The following HEXA variants were observed in gnomAD, a reference collection of about 807,000 sequenced individuals.
The protein encoded by HEXA is hexosaminidase subunit alpha, also known as beta-hexosaminidase subunit alpha.
In HEXA, 54 loss-of-function variants were observed where a neutral mutation model predicts 73.3. That is an observed-to-expected ratio of 0.74 (90% CI 0.59 to 0.92). The LOEUF (loss-of-function observed/expected upper bound fraction) is 0.92. HEXA is among the 40% of genes least tolerant of loss of function. The pLI, the probability that HEXA is intolerant of heterozygous loss-of-function variation, is 0.00. For missense variants in HEXA, 649 were observed against 653.0 expected (o/e 0.99, Z 0.07); for synonymous variants, 230 against 246.9 (o/e 0.93, Z 0.64).
chr15:72,344,936 T>A (rs2088590285), intron 13 of HEXA, among the ~76,000 whole-genome samples: 1 of 152,252 alleles, frequency 6.6e-6, no homozygotes, highest in African/African-American at 2.4e-5. Flanking sequence ...GGTCCTGAAC[T>A]CTGTGCTTCA....
chr15:72,363,841 TC>T (rs2088883305), intron 1 of HEXA, among the ~76,000 whole-genome samples: 1 of 151,822 alleles, frequency 6.6e-6, no homozygotes. Context: ...CCCAACCCTA[TC>T]CCCACTGGAA....
chr15:72,354,045 G>A (rs2088738993), intron 3 of HEXA: 2 of 472,478 alleles, frequency 4.2e-6, no homozygotes. Context: ...AGAATATTGA[G>A]AAGAGAGGCC....
intron 1 of HEXA, chr15:72,362,532 A>G (rs2088864690): frequency 2.2e-6 from 1 of 453,892 alleles, no homozygotes; most frequent in South Asian, 1.6e-5. Context: ...TGTGATAATC[A>G]GGCATAAATA....
chr15:72,352,192 G>A (rs1189245980), intron 5 of HEXA, among the ~76,000 whole-genome samples: 4 of 152,068 alleles, frequency 2.6e-5, no homozygotes, highest in Admixed American at 6.6e-5. Flanking sequence ...TCCTGAGCTC[G>A]GGCAATCCAC....
intron 4 of HEXA, among the ~76,000 whole-genome samples, 183 bp from the exon 5 acceptor site, chr15:72,353,361 C>A (rs905274037): frequency 8.5e-5 from 13 of 152,140 alleles, no homozygotes; most frequent in African/African-American, 3.1e-4. Flanking sequence ...TCCCAGAGAG[C>A]AATTGTCCAA....
At chr15:72,344,261 C>T (rs2088583054) in intron 13 of HEXA, 121 bp from the exon 14 acceptor site, 7 of 718,928 alleles carry the variant, frequency 9.7e-6, no homozygotes, top group Admixed American at 8.1e-5. Flanking sequence ...TGTCACTGTA[C>T]ACCAAATGCA....
intron 4 of HEXA, 29 bp from the exon 5 acceptor site, chr15:72,353,207 G>T: frequency 7.4e-7 from 1 of 1,360,412 alleles, no homozygotes; most frequent in Non-Finnish European, 1.0e-6. Context: ...GAACATGTCA[G>T]TTTCAAAGGA....
At chr15:72,345,005 A>C (rs548992703) in intron 13 of HEXA, among the ~76,000 whole-genome samples, 1 of 152,344 alleles carries the variant, frequency 6.6e-6, no homozygotes, top group South Asian at 2.1e-4. Flanking sequence ...AAATGAGACA[A>C]TATTTGTAAC....
rs12592727 is a variant in HEXA, at chr15:72,347,420, T to C, written c.1146+266A>G. Among the ~76,000 whole-genome samples, 19,168 of 151,508 alleles carry C rather than the reference T, an allele frequency of 0.13. 1,800 individuals are homozygous for C. The highest frequency in any genetic ancestry group is 0.25 in the African/African-American group (10,518 of 41,366). ...CTGATTTTTGTATTTTTTGTAGAGA[T>C]GAGGGTTTTGCTATGTTGGCCAGGC... On this transcript the variant is annotated intron_variant, in intron 10 of 13. Transcript: ENST00000268097.
intron 7 of HEXA, among the ~76,000 whole-genome samples, chr15:72,349,758 GGTT>G (rs1045456730): frequency 7.3e-5 from 11 of 151,634 alleles, no homozygotes; most frequent in African/African-American, 2.7e-4. Flanking sequence ...GTTTTTTTTT[GGTT>G]GTTGTTGTTT....
intron 1 of HEXA, among the ~76,000 whole-genome samples, chr15:72,365,138 G>A (rs967943062): frequency 1.6e-4 from 24 of 152,314 alleles, no homozygotes; most frequent in South Asian, 8.3e-4. Flanking sequence ...CGCCCAGGCT[G>A]GAGTGCAATG....
Position 72,356,574 on chromosome 15 carries a change from T to G in HEXA, c.297A>C (p.Val99=), listed in dbSNP as rs766640260. The change falls in exon 2 of 14, where the codon GTA becomes GTC. Residue 99 remains valine (V), a synonymous_variant. Transcript: ENST00000268097. ...TLEKNVLVVS[V]VTPGCNQLPT... Reference sequence around the variant, plus strand: ...GAAGCTGGTTACATCCAGGTGTGACTACAGAGACAACCAACACATTCTTCT... The same window carrying G: ...GAAGCTGGTTACATCCAGGTGTGACGACAGAGACAACCAACACATTCTTCT... 6 of 1,614,052 alleles carry G rather than the reference T, an allele frequency of 3.7e-6. No homozygotes were observed. In the East Asian group the frequency reaches 1.1e-4, roughly 30 times the overall value.
chr15:72,349,249 T>C lies in HEXA; in HGVS notation c.816A>G (p.Gly272=). The change falls in exon 8 of 14, where the codon GGA becomes GGG. Residue 272 remains glycine, a synonymous_variant. Coordinates refer to ENST00000268097, the MANE Select transcript of HEXA (RefSeq NM_000520.6). ...HTLSWGPGIP[G]LLTPCYSGSE... ...ACCCAGAGTAGCAAGGAGTCAGTAA[T>C]CCAGGGATACCTAAGCCAAGAGAAA... The C allele has an allele frequency of 6.2e-7, 1 of 1,613,874 alleles. No individual in the cohort carries two copies. Among genetic ancestry groups the C allele is most frequent in the Non-Finnish European group, 8.5e-7 (1 of 1,179,898 alleles).
intron 4 of HEXA, 77 bp downstream of exon 4, chr15:72,353,614 G>T: frequency 8.4e-7 from 1 of 1,190,352 alleles, no homozygotes; most frequent in African/African-American, 1.5e-5. Context: ...GGCAAAACAA[G>T]ATTTTTCTAG....
intron 1 of HEXA, chr15:72,357,081 C>T (rs894942308): frequency 1.8e-5 from 5 of 271,716 alleles, no homozygotes; most frequent in African/African-American, 4.4e-5. Flanking sequence ...AGTAAACACA[C>T]TGTCTAGTTC....
In HEXA at chr15:72,375,904, G is replaced by C. The variant is rs143554538; in HGVS notation, c.69C>G (p.Leu23=). Residue 23 remains leucine, a synonymous_variant, in exon 1 of 14, where the codon CTC becomes CTG. Transcript: ENST00000268097. ...TTTGGAAGTTCTGAGGCCAGGGCCA[G>C]AGGGCCGTCGCCCGTCCTGCGAACG... ...AAAFAGRATA[L]WPWPQNFQTS... 1.6e-4 allele frequency: 251 copies of C among 1,614,244 alleles called. 1 individual carries two copies. The African/African-American group carries it at 3.1e-3, about 20-fold the overall frequency.
At chr15:72,359,471 G>T (rs1445146401) in intron 1 of HEXA, 1 of 151,878 alleles carries the variant, frequency 6.6e-6, no homozygotes, top group Non-Finnish European at 1.5e-5. Flanking sequence ...GAGGCAGGCG[G>T]ATCACTTAAG....
rs1398917620 is a variant in HEXA, at chr15:72,343,030, G to A, written c.*1047C>T. 3 of 152,324 alleles carry A rather than the reference G, an allele frequency of 2.0e-5. No individual in the cohort carries two copies. The highest frequency in any genetic ancestry group is 1.9e-4 in the East Asian group (1 of 5,180). 9.4% of individuals were successfully genotyped at this position (152,324 alleles called of 1,614,324 possible). ...AGGTCAGGAGATCGAGACCATCCTG[G>A]CTAACACGGAGAAACCCCATCTCTA... On this transcript the variant is annotated 3_prime_UTR_variant, in exon 14 of 14. Coordinates refer to ENST00000268097, the MANE Select transcript of HEXA (RefSeq NM_000520.6).
intron 3 of HEXA, chr15:72,354,569 T>C (rs1318147617): frequency 6.6e-6 from 1 of 152,326 alleles, no homozygotes; most frequent in Non-Finnish European, 1.5e-5. Flanking sequence ...TTCTCCCCAC[T>C]CTGACTCTGA....
Sources: allele counts gnomAD v4.1 joint callset (sites outside exome capture counted in the v4.1 genomes callset), GRCh38; gene constraint gnomAD v4.1.1; transcripts MANE v1.5; gene names NCBI Gene and HGNC (gene_info 2026-07-23, HGNC 2026-07-21).